Variants in DRG1 observed in about 807,000 individuals in gnomAD.
DRG1 encodes the protein developmentally-regulated GTP-binding protein 1.
Under a neutral mutation model 38.8 loss-of-function variants are expected in DRG1, and 19 were observed. The ratio of observed to expected loss-of-function variants is 0.49; its 90% CI spans 0.34 to 0.72. The LOEUF (loss-of-function observed/expected upper bound fraction) is 0.72, where lower values mean the gene tolerates loss of function less well. Among genes scored for constraint, DRG1 ranks in the 30% least tolerant of loss-of-function variants. The probability of loss-of-function intolerance (pLI) is 0.01; values close to 1 mark genes in which losing one functional copy is unlikely to be tolerated. For synonymous variants in DRG1, 167 were observed against 157.5 expected (o/e 1.06, Z -0.45); for missense variants, 299 against 444.8 (o/e 0.67, Z 2.95).
chr22:31,420,169 A>AG (rs2050068517), intron 4 of DRG1, 87 bp from the exon 5 acceptor site: 6 of 1,451,020 alleles, frequency 4.1e-6, no homozygotes, highest in Non-Finnish European at 4.7e-6. Flanking sequence ...ACTTAAATGT[A>AG]GGGGGAAAAA....
chr22:31,399,633 C>T lies in DRG1; in HGVS notation c.-51C>T, dbSNP rs764536786. On this transcript the variant is annotated 5_prime_UTR_variant, in exon 1 of 9. Transcript: ENST00000331457. ...GCGCCTGGTGGCGGTGGCAGTTTGC[C>T]CGCGGGTGTGTGAAGGGAGACAGTG... is the stretch of plus-strand genomic sequence containing the variant. 91 of 1,613,742 alleles carry T rather than the reference C, an allele frequency of 5.6e-5. No homozygotes were observed. The highest frequency in any genetic ancestry group is 1.3e-4 in the East Asian group (6 of 44,878).
chr22:31,424,907 A>G (rs1294469492), intron 6 of DRG1, among the ~76,000 whole-genome samples: 1 of 148,020 alleles, frequency 6.8e-6, no homozygotes, highest in African/African-American at 2.5e-5. Context: ...GGTTCAAGCA[A>G]TTCCCCTGCC....
chr22:31,406,118 C>T (rs1480252196), intron 3 of DRG1, among the ~76,000 whole-genome samples: 6 of 151,780 alleles, frequency 4.0e-5, no homozygotes, highest in African/African-American at 1.5e-4. Flanking sequence ...TCTCCTGCCT[C>T]AGCCTCCTGA....
At chr22:31,421,276 C>T (rs887356799) in intron 5 of DRG1, 5 of 141,596 alleles carry the variant, frequency 3.5e-5, no homozygotes, top group African/African-American at 1.3e-4. Flanking sequence ...CCAGGCTTGG[C>T]TAATTTTTTT....
At chr22:31,405,360 G>C (rs545256322) in intron 3 of DRG1, among the ~76,000 whole-genome samples, 9 of 151,930 alleles carry the variant, frequency 5.9e-5, no homozygotes, top group Non-Finnish European at 1.3e-4. Flanking sequence ...TAGAGACTGG[G>C]TTTCACCATA....
chr22:31,400,173 T>C (rs1411050276), intron 1 of DRG1, among the ~76,000 whole-genome samples: 1 of 152,042 alleles, frequency 6.6e-6, no homozygotes, highest in East Asian at 1.9e-4. Flanking sequence ...GTGTCTACCC[T>C]AATGACCCCC....
At chr22:31,402,247 A>T (rs1463494217) in intron 2 of DRG1, among the ~76,000 whole-genome samples, 1 of 152,094 alleles carries the variant, frequency 6.6e-6, no homozygotes, top group Non-Finnish European at 1.5e-5. Context: ...CTGGTAGAGA[A>T]GGGCCACAGA....
Position 31,427,053 on chromosome 22 carries a change from A to C in DRG1, c.882-7A>C. On this transcript the variant is annotated splice_polypyrimidine_tract_variant and splice_region_variant and intron_variant, in intron 7 of 8. Transcript: ENST00000331457. ...AGGCAGTAATCTTTATGCCCTCTCT[A>C]TTCTAGTTACACCAAACCCAAAGGC... 6.2e-7 allele frequency: 1 copy of C among 1,613,890 alleles called. No homozygotes were observed. Among genetic ancestry groups the C allele is most frequent in the East Asian group, 2.2e-5 (1 of 44,872 alleles).
chr22:31,411,436 C>T (rs769349374), intron 4 of DRG1, among the ~76,000 whole-genome samples: 1 of 151,992 alleles, frequency 6.6e-6, no homozygotes, highest in Admixed American at 6.6e-5. Flanking sequence ...TTCCTAGAGG[C>T]AGTGTCTACT....
intron 6 of DRG1, among the ~76,000 whole-genome samples, chr22:31,425,010 C>T (rs1262493400): frequency 2.6e-5 from 4 of 151,322 alleles, no homozygotes; most frequent in African/African-American, 4.9e-5. Context: ...TCCATGTTAG[C>T]CAGGCTGGTC....
chr22:31,415,079 T>C (rs2050037188), intron 4 of DRG1, among the ~76,000 whole-genome samples: 1 of 152,202 alleles, frequency 6.6e-6, no homozygotes. Flanking sequence ...GGCAGGCTGA[T>C]TGATTTTTAC....
At chr22:31,427,272 A>T in intron 8 of DRG1, 90 bp downstream of exon 8, 1 of 1,472,030 alleles carries the variant, frequency 6.8e-7, no homozygotes, top group Non-Finnish European at 9.1e-7. Flanking sequence ...TTTAAAAAAG[A>T]AGGCAGGAAG....
chr22:31,418,651 G>GT lies in DRG1; in HGVS notation c.413-1604dup, dbSNP rs201182587. Among the ~76,000 whole-genome samples, 238 of 151,964 alleles carry GT rather than the reference G, an allele frequency of 1.6e-3. 1 individual carries two copies. Among genetic ancestry groups the GT allele is most frequent in the South Asian group, 4.6e-3 (22 of 4,812 alleles). On this transcript the variant is annotated intron_variant, in intron 4 of 8. Transcript: ENST00000331457. Reference sequence around the variant, plus strand: ...GCCTCCTGAGTAGCTGGGATTACAGGTGTCCACTACCATGGCCAGCTAATT... The same window carrying GT: ...GCCTCCTGAGTAGCTGGGATTACAGGTTGTCCACTACCATGGCCAGCTAATT...
intron 2 of DRG1, among the ~76,000 whole-genome samples, 167 bp from the exon 3 acceptor site, chr22:31,402,862 C>T (rs1280525919): frequency 1.3e-5 from 2 of 152,054 alleles, no homozygotes; most frequent in Non-Finnish European, 2.9e-5. Flanking sequence ...TTGTGAATTG[C>T]TGTGCCCTCA....
At chr22:31,405,413 G>A (rs2049983821) in intron 3 of DRG1, among the ~76,000 whole-genome samples, 1 of 152,000 alleles carries the variant, frequency 6.6e-6, no homozygotes, top group Non-Finnish European at 1.5e-5. Flanking sequence ...TGATCCACAT[G>A]CCTTGGCCTC....
intron 3 of DRG1, among the ~76,000 whole-genome samples, chr22:31,404,506 C>T (rs927106876): frequency 3.3e-5 from 5 of 151,896 alleles, no homozygotes; most frequent in African/African-American, 1.2e-4. Flanking sequence ...TCCCAAAGTG[C>T]TGGGATTACA....
intron 1 of DRG1, 56 bp downstream of exon 1, chr22:31,399,781 G>A (rs908480648): frequency 1.9e-6 from 3 of 1,612,640 alleles, no homozygotes; most frequent in East Asian, 2.2e-5. Context: ...CTTTGGTGGC[G>A]TCGCTCCTTC....
chr22:31,406,087 C>T (rs2049989138), intron 3 of DRG1, among the ~76,000 whole-genome samples: 2 of 151,728 alleles, frequency 1.3e-5, no homozygotes, highest in Admixed American at 1.3e-4. Context: ...TCACTCCAAC[C>T]TCCTCCCGGC....
Position 31,404,960 on chromosome 22 carries a change from T to C in DRG1, c.342+1756T>C, listed in dbSNP as rs576068629. Among the ~76,000 whole-genome samples, 8 of 152,184 alleles carry C rather than the reference T, an allele frequency of 5.3e-5. No homozygotes were observed. In the South Asian group the frequency reaches 1.7e-3, roughly 32 times the overall value. ...TAAATATTTTTTTTTTAGGTTTTGG[T>C]TGGTTGTAACATGAAATTCGGATAT... On this transcript the variant is annotated intron_variant, in intron 3 of 8. Coordinates refer to ENST00000331457, the MANE Select transcript of DRG1 (RefSeq NM_004147.4).
Sources: allele counts gnomAD v4.1 joint callset (sites outside exome capture counted in the v4.1 genomes callset), GRCh38; gene constraint gnomAD v4.1.1; transcripts MANE v1.5; gene names NCBI Gene and HGNC (gene_info 2026-07-23, HGNC 2026-07-21).